Variants in CDH13 observed in about 807,000 individuals in gnomAD.
CDH13 encodes cadherin-13.
A neutral mutation model predicts 63.8 loss-of-function variants in CDH13; 24 were observed. The ratio of observed to expected loss-of-function variants is 0.38; its 90% CI spans 0.27 to 0.53. The LOEUF is 0.53. CDH13 is among the 20% of genes least tolerant of loss of function. The probability of loss-of-function intolerance (pLI) is 0.85; values close to 1 mark genes in which losing one functional copy is unlikely to be tolerated. For missense variants in CDH13, 1,049 were observed against 903.1 expected (o/e 1.16, Z -2.07); for synonymous variants, 503 against 355.3 (o/e 1.42, Z -4.67).
intron 6 of CDH13, among the ~76,000 whole-genome samples, chr16:83,455,803 T>A (rs1201738844): frequency 6.6e-6 from 1 of 152,238 alleles, no homozygotes; most frequent in South Asian, 2.1e-4. Flanking sequence ...CTTCTGTTAG[T>A]GGCGCAGCTT....
intron 8 of CDH13, among the ~76,000 whole-genome samples, chr16:83,668,829 C>G (rs887901124): frequency 5.3e-5 from 8 of 152,212 alleles, no homozygotes; most frequent in Non-Finnish European, 8.8e-5. Flanking sequence ...ACATGTGTCA[C>G]CAAGCCCCCT....
At chr16:83,630,591 G>C (rs1168494932) in intron 8 of CDH13, among the ~76,000 whole-genome samples, 1 of 152,136 alleles carries the variant, frequency 6.6e-6, no homozygotes, top group Admixed American at 6.5e-5. Context: ...TCTTAGTCTA[G>C]CTCAGTGAAT....
chr16:83,391,720 TGTCACCCAAGTGACATTC>T (rs1222819371), intron 6 of CDH13, among the ~76,000 whole-genome samples: 1 of 151,616 alleles, frequency 6.6e-6, no homozygotes. Flanking sequence ...TGTTTTGCAT[TGTCACCCAAGTGACATTC>T]AGTATTGCCA....
chr16:83,518,644 T>C (rs1260255415), intron 7 of CDH13, among the ~76,000 whole-genome samples: 1 of 149,110 alleles, frequency 6.7e-6, no homozygotes, highest in African/African-American at 2.5e-5. Flanking sequence ...GGCTAATTTT[T>C]GTATTTTTAG....
chr16:83,486,044 G>A (rs534249561), intron 6 of CDH13, among the ~76,000 whole-genome samples: 1 of 152,244 alleles, frequency 6.6e-6, no homozygotes, highest in Non-Finnish European at 1.5e-5. Flanking sequence ...TTAGGAGGCT[G>A]AGGCAGGAGA....
At chr16:83,264,116 C>T (rs1027234116) in intron 5 of CDH13, among the ~76,000 whole-genome samples, 9 of 152,192 alleles carry the variant, frequency 5.9e-5, no homozygotes, top group African/African-American at 1.7e-4. Flanking sequence ...ATTTTCAAGG[C>T]AACTGAAGTG....
At chr16:82,970,468 C>T (rs900171978) in intron 2 of CDH13, among the ~76,000 whole-genome samples, 7 of 109,732 alleles carry the variant, frequency 6.4e-5, no homozygotes, top group East Asian at 6.2e-4. Flanking sequence ...GGCGCAATCT[C>T]GGCTCACTGC....
At chr16:82,728,142 C>T (rs916088217) in intron 1 of CDH13, among the ~76,000 whole-genome samples, 2 of 152,114 alleles carry the variant, frequency 1.3e-5, no homozygotes, top group Non-Finnish European at 2.9e-5. Flanking sequence ...TGGAAGAGAG[C>T]TTGACACATA....
intron 2 of CDH13, among the ~76,000 whole-genome samples, chr16:82,899,058 T>C (rs1443825462): frequency 6.6e-6 from 1 of 152,160 alleles, no homozygotes; most frequent in East Asian, 1.9e-4. Flanking sequence ...ACAAGTCCTT[T>C]TTGAAGGACC....
intron 7 of CDH13, among the ~76,000 whole-genome samples, chr16:83,507,382 G>A (rs937972635): frequency 2.0e-5 from 3 of 152,164 alleles, no homozygotes; most frequent in African/African-American, 7.2e-5. Flanking sequence ...AGAACCTGGG[G>A]AAATTTAAAC....
rs111595987 is a variant in CDH13, at chr16:82,987,248, G to A, written c.158-44762G>A. On this transcript the variant is annotated intron_variant, in intron 2 of 13. Coordinates refer to ENST00000567109, the MANE Select transcript of CDH13 (RefSeq NM_001257.5). ...AGTTACTGCTGTATCCCTTAAACTC[G>A]CCCAAAAGGAAGGATTGTGTTGCAT... Among the ~76,000 whole-genome samples, 842 of 152,192 alleles carry A rather than the reference G, an allele frequency of 5.5e-3. 15 individuals carry two copies. Among genetic ancestry groups the A allele is most frequent in the Admixed American group, 0.029 (450 of 15,290 alleles).
At chr16:82,781,731 C>T (rs1027870633) in intron 1 of CDH13, among the ~76,000 whole-genome samples, 6 of 152,218 alleles carry the variant, frequency 3.9e-5, no homozygotes, top group Admixed American at 6.5e-5. Context: ...TATCCATCCA[C>T]GTAACCACTC....
intron 4 of CDH13, among the ~76,000 whole-genome samples, chr16:83,210,454 G>A (rs1056412522): frequency 6.6e-6 from 1 of 152,062 alleles, no homozygotes; most frequent in Non-Finnish European, 1.5e-5. Context: ...GACAGGAGAT[G>A]GGATAAAAGA....
At chr16:83,315,951 CA>C (rs2090096091) in intron 5 of CDH13, among the ~76,000 whole-genome samples, 1 of 152,058 alleles carries the variant, frequency 6.6e-6, no homozygotes, top group Non-Finnish European at 1.5e-5. Flanking sequence ...GAGAAATATC[CA>C]AATAACCCAA....
chr16:82,686,803 G>A (rs1198345201), intron 1 of CDH13, among the ~76,000 whole-genome samples: 1 of 152,112 alleles, frequency 6.6e-6, no homozygotes, highest in African/African-American at 2.4e-5. Flanking sequence ...ATCATTTTGG[G>A]TATTATCAAT....
intron 1 of CDH13, among the ~76,000 whole-genome samples, chr16:82,827,796 A>G (rs1458051592): frequency 6.6e-6 from 1 of 152,174 alleles, no homozygotes; most frequent in African/African-American, 2.4e-5. Flanking sequence ...AATAATGGTA[A>G]AGGGAAAATA....
At chr16:83,443,183 T>C (rs1035276103) in intron 6 of CDH13, among the ~76,000 whole-genome samples, 1 of 152,174 alleles carries the variant, frequency 6.6e-6, no homozygotes, top group Admixed American at 6.5e-5. Context: ...GAGAATGTGA[T>C]AGGGTGGGTG....
intron 10 of CDH13, among the ~76,000 whole-genome samples, chr16:83,720,583 TAA>T (rs1051480219): frequency 1.4e-5 from 2 of 147,602 alleles, no homozygotes. Context: ...TCTCTGTCTT[TAA>T]AAAAAAAAGA....
chr16:83,460,989 A>ACACATG (rs2073163577), intron 6 of CDH13, among the ~76,000 whole-genome samples: 1 of 122,046 alleles, frequency 8.2e-6, no homozygotes, highest in Non-Finnish European at 1.7e-5. Context: ...CAAAACACAC[A>ACACATG]CACACGCACA....
Sources: gnomAD v4.1 joint callset for allele counts (sites outside exome capture counted in the v4.1 genomes callset) on GRCh38, gnomAD v4.1.1 for gene constraint, MANE v1.5 for transcripts, NCBI Gene and HGNC (gene_info 2026-07-23, HGNC 2026-07-21) for gene names.